The following GRIP1 variants were observed in gnomAD, a reference collection of about 807,000 sequenced individuals.
The protein encoded by GRIP1 is glutamate receptor-interacting protein 1.
Under a neutral mutation model 129.9 loss-of-function variants are expected in GRIP1, and 45 were observed. The ratio of observed to expected loss-of-function variants is 0.35; its 90% CI spans 0.27 to 0.44. The LOEUF is 0.44. GRIP1 is among the 20% of genes least tolerant of loss of function. GRIP1 has a pLI of 1.00. For synonymous variants in GRIP1, 530 were observed against 520.8 expected (o/e 1.02, Z -0.24); for missense variants, 1,196 against 1,396.8 (o/e 0.86, Z 2.29).
intron 1 of GRIP1, among the ~76,000 whole-genome samples, chr12:66,730,747 A>T (rs547275116): frequency 6.7e-6 from 1 of 150,122 alleles, no homozygotes; most frequent in Admixed American, 6.6e-5. Context: ...TCCCATGCCC[A>T]GTGTGCTGGG....
intron 1 of GRIP1, among the ~76,000 whole-genome samples, chr12:66,869,243 A>C (rs369977399): frequency 1.3e-5 from 2 of 151,960 alleles, no homozygotes; most frequent in African/African-American, 4.8e-5. Flanking sequence ...TCCTCACCAC[A>C]TAAGTAAGCA....
chr12:66,988,720 A>T (rs1427067230), intron 1 of GRIP1, among the ~76,000 whole-genome samples: 1 of 152,152 alleles, frequency 6.6e-6, no homozygotes, highest in Non-Finnish European at 1.5e-5. Flanking sequence ...GTTTGGTTCC[A>T]TGTTTTAGGA....
rs1210214537 is a variant in GRIP1, at chr12:66,348,049, G to GA, written c.*969dup. 1.3e-5 allele frequency: 2 copies of GA among 152,144 alleles called. No individual in the cohort carries two copies. The highest frequency in any genetic ancestry group is 1.5e-5 in the Non-Finnish European group (1 of 68,028). The allele number at this position is 152,144 out of a possible 1,614,324, so 9.4% of individuals were successfully genotyped here. A position where few individuals can be genotyped will look rare whatever the true frequency, so the allele number is the denominator to read the frequency against. Reference sequence around the variant, plus strand: ...TGGTAATAATTGGCAATGCATTTGTGAAAAATGTATTTACAATTTCGGTAA... The same window carrying GA: ...TGGTAATAATTGGCAATGCATTTGTGAAAAAATGTATTTACAATTTCGGTAA... On this transcript the variant is annotated 3_prime_UTR_variant, in exon 25 of 25. Coordinates refer to ENST00000359742, the MANE Select transcript of GRIP1 (RefSeq NM_001366722.1).
intron 2 of GRIP1, among the ~76,000 whole-genome samples, chr12:66,587,647 T>TCATACA (rs760291601): frequency 7.2e-5 from 11 of 152,126 alleles, no homozygotes; most frequent in Non-Finnish European, 1.5e-4. Context: ...TGAGGGTCAG[T>TCATACA]TTAGAGGAAC....
rs560499239 is a variant in GRIP1 at position 66,581,883 on chromosome 12, G to A, written c.136+14964C>T. Among the ~76,000 whole-genome samples the A allele has an allele frequency of 3.9e-4, 59 of 152,090 alleles. 1 individual carries two copies. The highest frequency in any genetic ancestry group is 1.3e-3 in the African/African-American group (56 of 41,496). Reference sequence around the variant, plus strand: ...GTATTCCAATCAATAGAAAAAGAGGGAATCCTCCCTAACTCATTTTATGAG... The same window carrying A: ...GTATTCCAATCAATAGAAAAAGAGGAAATCCTCCCTAACTCATTTTATGAG... On this transcript the variant is annotated intron_variant, in intron 2 of 24. Coordinates refer to ENST00000359742, the MANE Select transcript of GRIP1 (RefSeq NM_001366722.1).
chr12:67,011,823 G>T (rs2042712770), intron 1 of GRIP1, among the ~76,000 whole-genome samples: 1 of 152,064 alleles, frequency 6.6e-6, no homozygotes, highest in South Asian at 2.1e-4. Context: ...TCTTTAAAGG[G>T]CCAGACAGTA....
intron 1 of GRIP1, among the ~76,000 whole-genome samples, chr12:66,865,979 G>A (rs2040198493): frequency 6.6e-6 from 1 of 151,922 alleles, no homozygotes; most frequent in Non-Finnish European, 1.5e-5. Flanking sequence ...ATCACCCAGG[G>A]GTCTGTGTAA....
intron 1 of GRIP1, among the ~76,000 whole-genome samples, chr12:66,653,916 A>T (rs2032974336): frequency 6.6e-6 from 1 of 152,188 alleles, no homozygotes; most frequent in South Asian, 2.1e-4. Context: ...GGCTGTGATG[A>T]CCTGATGTTC....
intron 2 of GRIP1, among the ~76,000 whole-genome samples, chr12:66,587,010 C>G (rs1258855349): frequency 2.0e-5 from 3 of 152,170 alleles, no homozygotes; most frequent in African/African-American, 7.2e-5. Flanking sequence ...GGCCTAAAAG[C>G]TCTACAGGAC....
At chr12:66,488,259 CTGAA>C (rs1565792685) in intron 7 of GRIP1, among the ~76,000 whole-genome samples, 15 of 152,178 alleles carry the variant, frequency 9.9e-5, no homozygotes, top group African/African-American at 3.6e-4. Context: ...TGGAAAATAA[CTGAA>C]ATCATAACAG....
At chr12:66,537,222 G>A (rs372837139) in intron 4 of GRIP1, among the ~76,000 whole-genome samples, 10 of 152,010 alleles carry the variant, frequency 6.6e-5, no homozygotes, top group South Asian at 2.1e-4. Flanking sequence ...AATAATATTC[G>A]CATTTTACAG....
chr12:66,877,198 T>C (rs1054974393), intron 1 of GRIP1, among the ~76,000 whole-genome samples: 1 of 152,078 alleles, frequency 6.6e-6, no homozygotes, highest in African/African-American at 2.4e-5. Flanking sequence ...TTCATGATGA[T>C]TCTACACACA....
chr12:66,856,170 T>C (rs914628290), intron 1 of GRIP1, among the ~76,000 whole-genome samples: 1 of 152,146 alleles, frequency 6.6e-6, no homozygotes, highest in African/African-American at 2.4e-5. Context: ...GCTAGCCATA[T>C]GTAGAAAGCT....
intron 22 of GRIP1, among the ~76,000 whole-genome samples, chr12:66,373,427 G>A (rs1328720536): frequency 1.3e-5 from 2 of 152,176 alleles, no homozygotes; most frequent in Admixed American, 6.5e-5. Context: ...GAGGCACGAA[G>A]AGGCTGACTC....
chr12:66,754,589 C>T (rs1325480037), intron 1 of GRIP1, among the ~76,000 whole-genome samples: 1 of 152,190 alleles, frequency 6.6e-6, no homozygotes, highest in Non-Finnish European at 1.5e-5. Flanking sequence ...ACACTGTCTG[C>T]TCAAGGTAGG....
chr12:66,474,471 C>T (rs1419579034), intron 7 of GRIP1, among the ~76,000 whole-genome samples: 2 of 152,110 alleles, frequency 1.3e-5, no homozygotes, highest in Non-Finnish European at 2.9e-5. Flanking sequence ...TCAGGAAACA[C>T]AGAGAATGCC....
intron 1 of GRIP1, among the ~76,000 whole-genome samples, chr12:66,637,996 AT>A (rs1352717911): frequency 2.0e-5 from 3 of 152,216 alleles, no homozygotes; most frequent in African/African-American, 7.2e-5. Flanking sequence ...AACACTAAAA[AT>A]TCTTTTGTAC....
intron 1 of GRIP1, among the ~76,000 whole-genome samples, chr12:67,031,030 T>C (rs1024850618): frequency 6.6e-6 from 1 of 152,140 alleles, no homozygotes; most frequent in Non-Finnish European, 1.5e-5. Flanking sequence ...GGTAAAGTAA[T>C]AGATACATCC....
chr12:66,871,220 C>T (rs1488434960), intron 1 of GRIP1, among the ~76,000 whole-genome samples: 1 of 152,010 alleles, frequency 6.6e-6, no homozygotes, highest in Non-Finnish European at 1.5e-5. Context: ...GGCAATGCTG[C>T]GATTTTCTTG....
Sources: gnomAD v4.1 joint callset for allele counts (sites outside exome capture counted in the v4.1 genomes callset) on GRCh38, gnomAD v4.1.1 for gene constraint, MANE v1.5 for transcripts, NCBI Gene and HGNC (gene_info 2026-07-23, HGNC 2026-07-21) for gene names.